AP2A2: variants seen among roughly 807,000 people sequenced by gnomAD.
AP2A2 encodes AP-2 complex subunit alpha-2.
Under a neutral mutation model 104.2 loss-of-function variants are expected in AP2A2, and 32 were observed. The observed-to-expected ratio is 0.31, with a 90% CI of 0.23 to 0.41. The LOEUF (loss-of-function observed/expected upper bound fraction) is 0.41. Among genes scored for constraint, AP2A2 ranks in the 10% least tolerant of loss-of-function variants. AP2A2 has a pLI of 1.00. For synonymous variants in AP2A2, 539 were observed against 533.3 expected (o/e 1.01, Z -0.15); for missense variants, 912 against 1,261.0 (o/e 0.72, Z 4.19).
chr11:993,807 C>A lies in AP2A2; in HGVS notation c.1604C>A (p.Pro535His). ...TCCAAGTTCCACCTGTGCAGCGTCC[C>A]CACCCGCGCGCTGCTCCTGTCCACC... ...LHSKFHLCSVPTRALLLSTYI... is the reference protein window; with the variant it reads ...LHSKFHLCSVHTRALLLSTYI... The change falls in exon 13 of 22, where the codon CCC becomes CAC. Residue 535 changes from proline (P) to histidine (H), a missense_variant. Pro to His is a moderately conservative substitution (Grantham distance 77). Coordinates refer to ENST00000448903, the MANE Select transcript of AP2A2 (RefSeq NM_012305.4). The surrounding 1 kb of genome is among the most constrained non-coding windows in gnomAD (Gnocchi z 8.2). The A allele has an allele frequency of 6.2e-7, 1 of 1,607,592 alleles. No individual in the cohort carries two copies.
chr11:942,398 T>G (rs1156897435), intron 1 of AP2A2: 1 of 152,244 alleles, frequency 6.6e-6, no homozygotes, highest in Non-Finnish European at 1.5e-5. Flanking sequence ...CGGTGTGGTA[T>G]GTACTTTGCA....
At chr11:989,859 G>A (rs1230104661) in intron 10 of AP2A2, among the ~76,000 whole-genome samples, 2 of 152,230 alleles carry the variant, frequency 1.3e-5, no homozygotes, top group Non-Finnish European at 2.9e-5. Flanking sequence ...CAGGACCACA[G>A]CCTCTTGTTG....
At position 970,286 on chromosome 11, in the gene AP2A2, C is replaced by T; in HGVS notation, c.254C>T (p.Ser85Leu). 1 of 1,613,852 alleles carries T rather than the reference C, an allele frequency of 6.2e-7. No homozygotes were observed. Among genetic ancestry groups the T allele is most frequent in the Non-Finnish European group, 8.5e-7 (1 of 1,179,798 alleles). ...GHMEAVNLLS[S>L]NRYTEKQIGY... ...ATGGAGGCTGTGAACCTGCTGAGTT[C>T]AAACAGATACACGGAAAAGCAGATC... Residue 85 changes from serine to leucine, a missense_variant, in exon 3 of 22, where the codon TCA becomes TTA. Transcript: ENST00000448903.
intron 15 of AP2A2, 130 bp downstream of exon 15, chr11:1,000,728 G>A: frequency 9.6e-7 from 1 of 1,040,184 alleles, no homozygotes. Flanking sequence ...CTGGGGGAGA[G>A]AGCGGGAGCT....
intron 3 of AP2A2, among the ~76,000 whole-genome samples, chr11:970,587 A>G (rs1365950202): frequency 6.6e-6 from 1 of 152,268 alleles, no homozygotes; most frequent in Admixed American, 6.5e-5. Flanking sequence ...TGAGGTGGCC[A>G]TGCCTTTTCC....
chr11:1,006,809 T>C (rs1856223635), intron 17 of AP2A2, 192 bp downstream of exon 17: 1 of 574,674 alleles, frequency 1.7e-6, no homozygotes, highest in Non-Finnish European at 3.1e-6. Context: ...GTCTTCCATA[T>C]TGGAGAGCCA....
chr11:998,082 G>T (rs1564818581), intron 14 of AP2A2, among the ~76,000 whole-genome samples: 1 of 152,260 alleles, frequency 6.6e-6, no homozygotes. Context: ...AGGCTGTGGA[G>T]GCCACAGTGT....
chr11:926,520 C>CCCT (rs1171208940), intron 1 of AP2A2, among the ~76,000 whole-genome samples: 1 of 152,118 alleles, frequency 6.6e-6, no homozygotes, highest in Non-Finnish European at 1.5e-5. Context: ...GCCAAGACGC[C>CCCT]CCTCCCCAGC....
chr11:932,857 C>G (rs1853334610), intron 1 of AP2A2: 1 of 410,504 alleles, frequency 2.4e-6, no homozygotes, highest in Non-Finnish European at 4.9e-6. Context: ...ACTATTACTT[C>G]TCTTTCCTCT....
At position 992,974 on chromosome 11, in the gene AP2A2, G is replaced by T. The variant is rs1306650538; in HGVS notation, c.1452+289G>T. Among the ~76,000 whole-genome samples, 1 of 152,224 alleles carries T rather than the reference G, an allele frequency of 6.6e-6. No homozygotes were observed. The highest frequency in any genetic ancestry group is 1.9e-4 in the East Asian group (1 of 5,200). On this transcript the variant is annotated intron_variant, in intron 11 of 21. Coordinates refer to ENST00000448903, the MANE Select transcript of AP2A2 (RefSeq NM_012305.4). The surrounding 1 kb of genome is among the most constrained non-coding windows in gnomAD (Gnocchi z 6.4). ...GGCATGCCGTGGTGGGGCCTGCCCT[G>T]TCCGTCGGAGAGGGTTAGGCCACCG...
intron 1 of AP2A2, among the ~76,000 whole-genome samples, chr11:949,516 C>T (rs1276303898): frequency 6.6e-6 from 1 of 152,156 alleles, no homozygotes; most frequent in Non-Finnish European, 1.5e-5. Context: ...GTGGCTCACA[C>T]CTGTAATCCC....
At chr11:976,368 C>T (rs1855038328) in intron 4 of AP2A2, among the ~76,000 whole-genome samples, 1 of 152,168 alleles carries the variant, frequency 6.6e-6, no homozygotes, top group African/African-American at 2.4e-5. Context: ...CCTTTTCTGC[C>T]TTCCATGTGG....
At chr11:971,452 A>G (rs1382851400) in intron 3 of AP2A2, among the ~76,000 whole-genome samples, 1 of 152,036 alleles carries the variant, frequency 6.6e-6, no homozygotes, top group Non-Finnish European at 1.5e-5. Context: ...GGCTGGGTAC[A>G]TCTTTAACCG....
At chr11:958,039 C>G (rs546412433) in intron 1 of AP2A2, among the ~76,000 whole-genome samples, 1 of 152,346 alleles carries the variant, frequency 6.6e-6, no homozygotes, top group South Asian at 2.1e-4. Context: ...CACCCCAGTT[C>G]ATATGCTGAA....
chr11:987,650 G>GT (rs927337369), intron 9 of AP2A2, among the ~76,000 whole-genome samples: 1 of 151,034 alleles, frequency 6.6e-6, no homozygotes, highest in African/African-American at 2.4e-5. Flanking sequence ...GCGAGACTCC[G>GT]TCTCAAAAAA....
chr11:927,442 A>C (rs1589935078), intron 1 of AP2A2, among the ~76,000 whole-genome samples: 1 of 151,758 alleles, frequency 6.6e-6, no homozygotes, highest in South Asian at 2.1e-4. Context: ...ATGGAGGATC[A>C]GGAGGATAGT....
intron 1 of AP2A2, chr11:948,509 A>G (rs1171144614): frequency 6.6e-6 from 1 of 152,280 alleles, no homozygotes; most frequent in Non-Finnish European, 1.5e-5. Context: ...AAATTTGTGA[A>G]GCATTCCATA....
intron 1 of AP2A2, among the ~76,000 whole-genome samples, chr11:957,572 T>C (rs1158232732): frequency 6.6e-6 from 1 of 152,246 alleles, no homozygotes; most frequent in East Asian, 1.9e-4. Flanking sequence ...GTTAGTCTTA[T>C]GGCCTGCCTT....
chr11:1,002,852 G>A (rs999235339), intron 15 of AP2A2, among the ~76,000 whole-genome samples: 1 of 152,222 alleles, frequency 6.6e-6, no homozygotes, highest in South Asian at 2.1e-4. Context: ...GGCTGCTGCC[G>A]TGCAGCATTT....
Sources: gnomAD v4.1 joint callset for allele counts (sites outside exome capture counted in the v4.1 genomes callset) on GRCh38, gnomAD v4.1.1 for gene constraint, Gnocchi (gnomAD v3.1) non-coding constraint, MANE v1.5 for transcripts, NCBI Gene and HGNC (gene_info 2026-07-23, HGNC 2026-07-21) for gene names.